Variants in GIGYF2 observed in about 807,000 individuals in gnomAD.
GIGYF2 encodes GRB10-interacting GYF protein 2.
A neutral mutation model predicts 208.1 loss-of-function variants in GIGYF2; 25 were observed. That is an observed-to-expected ratio of 0.12 (90% CI 0.09 to 0.17). The LOEUF (loss-of-function observed/expected upper bound fraction) is 0.17, where lower values mean the gene tolerates loss of function less well. Ranked by LOEUF, GIGYF2 falls within the 10% of genes least tolerant of loss-of-function variation. The pLI is 1.00. For synonymous variants in GIGYF2, 534 were observed against 543.8 expected, an observed-to-expected ratio of 0.98 and a Z score of 0.25; for missense variants, 1,302 against 1,579.4, an observed-to-expected ratio of 0.82 and a Z score of 2.98.
chr2:232,762,427 A>G (rs1698782121), intron 8 of GIGYF2, among the ~76,000 whole-genome samples: 1 of 151,334 alleles, frequency 6.6e-6, no homozygotes, highest in South Asian at 2.1e-4. Context: ...TAATTTTTGT[A>G]TTTTTAGTTG....
In GIGYF2 at chr2:232,790,780, A is replaced by G; in HGVS notation, c.795A>G (p.Glu265=). 6.2e-7 allele frequency: 1 copy of G among 1,614,116 alleles called. No individual in the cohort carries two copies. Among genetic ancestry groups the G allele is most frequent in the East Asian group, 2.2e-5 (1 of 44,870 alleles). ...FEFDFRDRDD[E]RGYRRVRSGS... The stretch of plus-strand genomic sequence containing the variant: ...TTGATTTTCGAGATAGAGATGATGA[A>G]CGGGGTTACCGAAGGGTTCGCTCTG... The change falls in exon 10 of 29, where the codon GAA becomes GAG. Residue 265 remains glutamate, a synonymous_variant. Coordinates refer to ENST00000373563, the MANE Select transcript of GIGYF2 (RefSeq NM_001103146.3).
intron 2 of GIGYF2, among the ~76,000 whole-genome samples, chr2:232,711,703 A>ATG (rs142853054): frequency 0.02 from 2,513 of 126,482 alleles, 105 homozygotes; most frequent in African/African-American, 0.069. Flanking sequence ...CCTCACAATG[A>ATG]TGTATATATA....
At position 232,742,018 on chromosome 2, in the gene GIGYF2, A is replaced by T. The variant is rs547109325; in HGVS notation, c.42-5597A>T. Among the ~76,000 whole-genome samples, 3 of 146,766 alleles carry T rather than the reference A, an allele frequency of 2.0e-5. No homozygotes were observed. The South Asian group carries it at 6.2e-4, about 31-fold the overall frequency. On this transcript the variant is annotated intron_variant, in intron 3 of 28. Transcript: ENST00000373563. ...ATTCTTCCTTTCTCCTTCCCACTTA[A>T]CATCTCCTTCCTAGCACCTCTCTCT...
chr2:232,837,371 T>C (rs1230928302), intron 22 of GIGYF2, among the ~76,000 whole-genome samples: 4 of 152,224 alleles, frequency 2.6e-5, no homozygotes, highest in Non-Finnish European at 4.4e-5. Flanking sequence ...TATCACCAAC[T>C]CTTGCTGTTC....
At chr2:232,763,842 A>AC (rs1206047958) in intron 8 of GIGYF2, among the ~76,000 whole-genome samples, 1 of 152,090 alleles carries the variant, frequency 6.6e-6, no homozygotes, top group Admixed American at 6.6e-5. Context: ...AAAAAAAAAA[A>AC]AAAAGTTATG....
intron 6 of GIGYF2, among the ~76,000 whole-genome samples, chr2:232,758,715 G>A (rs746679128): frequency 2.0e-5 from 3 of 152,118 alleles, no homozygotes; most frequent in Admixed American, 2.0e-4. Flanking sequence ...TGGTAAGCTG[G>A]AGGCTATTTT....
chr2:232,798,362 C>G (rs911905785), intron 14 of GIGYF2, among the ~76,000 whole-genome samples: 2 of 152,204 alleles, frequency 1.3e-5, no homozygotes, highest in African/African-American at 4.8e-5. Context: ...AATAAAGCTG[C>G]TATAAACATT....
intron 17 of GIGYF2, 50 bp downstream of exon 17, chr2:232,811,401 GAA>G (rs1700731385): frequency 9.4e-7 from 1 of 1,062,418 alleles, no homozygotes; most frequent in Non-Finnish European, 1.5e-6. Flanking sequence ...TGTTGTGAAA[GAA>G]AGAGAAGAAA....
chr2:232,769,179 G>A (rs569299655), intron 8 of GIGYF2, among the ~76,000 whole-genome samples: 1 of 152,298 alleles, frequency 6.6e-6, no homozygotes, highest in South Asian at 2.1e-4. Flanking sequence ...AGATTACGTT[G>A]AAGTAGAGAC....
intron 14 of GIGYF2, among the ~76,000 whole-genome samples, chr2:232,800,194 C>A (rs975515203): frequency 1.3e-5 from 2 of 151,704 alleles, no homozygotes; most frequent in Non-Finnish European, 2.9e-5. Flanking sequence ...TCCTAGAAAT[C>A]ATTATTGTAT....
In GIGYF2 at chr2:232,819,971, T is replaced by C; in HGVS notation, c.2515T>C (p.Leu839=). 3 of 1,612,196 alleles carry C rather than the reference T, an allele frequency of 1.9e-6. No individual in the cohort carries two copies. The highest frequency in any genetic ancestry group is 2.5e-6 in the Non-Finnish European group (3 of 1,178,404). Residue 839 remains leucine, a synonymous_variant, in exon 21 of 29, where the codon TTG becomes CTG. Transcript: ENST00000373563. ...EEEERRKQEE[L]LRKQEEEAAK... The stretch of plus-strand genomic sequence containing the variant: ...GGAAGAAAGGCGGAAGCAGGAAGAA[T>C]TGTTACGCAAACAGGTGACCAGATG...
At chr2:232,818,507 C>T (rs910026286) in intron 20 of GIGYF2, among the ~76,000 whole-genome samples, 19 of 152,164 alleles carry the variant, frequency 1.2e-4, no homozygotes, top group Non-Finnish European at 2.2e-4. Flanking sequence ...ATCCAGTTTT[C>T]CCACCACCAT....
At chr2:232,770,210 G>A (rs1699176607) in intron 8 of GIGYF2, among the ~76,000 whole-genome samples, 1 of 152,144 alleles carries the variant, frequency 6.6e-6, no homozygotes, top group Admixed American at 6.6e-5. Context: ...TACCTTCTCA[G>A]ATTATTATTG....
intron 9 of GIGYF2, chr2:232,788,487 G>C (rs893018833): frequency 4.5e-6 from 2 of 441,414 alleles, no homozygotes; most frequent in African/African-American, 4.1e-5. Flanking sequence ...CTTGTCCGTA[G>C]GCAGAGGGTT....
At chr2:232,830,709 C>G (rs568771784) in intron 21 of GIGYF2, among the ~76,000 whole-genome samples, 4 of 152,156 alleles carry the variant, frequency 2.6e-5, no homozygotes, top group Non-Finnish European at 5.9e-5. Flanking sequence ...TAGCTGGGCA[C>G]AGTGGCTAAC....
At chr2:232,769,710 T>C (rs1699151296) in intron 8 of GIGYF2, among the ~76,000 whole-genome samples, 1 of 152,110 alleles carries the variant, frequency 6.6e-6, no homozygotes, top group African/African-American at 2.4e-5. Flanking sequence ...ACAGATTTTG[T>C]TGGCGGGCTG....
intron 2 of GIGYF2, among the ~76,000 whole-genome samples, chr2:232,723,825 C>T (rs1422423998): frequency 6.0e-5 from 9 of 149,836 alleles, no homozygotes; most frequent in Non-Finnish European, 1.3e-4. Flanking sequence ...CTCCGCCTCC[C>T]GGGTTCAAGT....
At chr2:232,753,763 A>G (rs1259329537) in intron 5 of GIGYF2, among the ~76,000 whole-genome samples, 1 of 152,186 alleles carries the variant, frequency 6.6e-6, no homozygotes. Context: ...ATTCAGTCCC[A>G]GGGAGTTTGG....
intron 2 of GIGYF2, among the ~76,000 whole-genome samples, chr2:232,719,399 C>T (rs13003675): frequency 0.32 from 48,065 of 151,914 alleles, 7,977 homozygotes; most frequent in South Asian, 0.62. Flanking sequence ...AAAGTGATTT[C>T]CTGAGCTCAG....
Sources: gnomAD v4.1 joint callset for allele counts (sites outside exome capture counted in the v4.1 genomes callset) on GRCh38, gnomAD v4.1.1 for gene constraint, MANE v1.5 for transcripts, NCBI Gene and HGNC (gene_info 2026-07-23, HGNC 2026-07-21) for gene names.